MICAL2: variants seen among roughly 807,000 people sequenced by gnomAD.
MICAL2 encodes [F-actin]-monooxygenase MICAL2.
Under a neutral mutation model 127.3 loss-of-function variants are expected in MICAL2, and 77 were observed. That is an observed-to-expected ratio of 0.60 (90% CI 0.50 to 0.73). MICAL2 has a LOEUF of 0.73. MICAL2 is among the 30% of genes least tolerant of loss of function. The pLI, the probability that MICAL2 is intolerant of heterozygous loss-of-function variation, is 0.00. For missense variants in MICAL2, 1,351 were observed against 1,434.4 expected (o/e 0.94, Z 0.94); for synonymous variants, 570 against 551.1 (o/e 1.03, Z -0.48).
At chr11:12,196,445 A>G (rs551359343) in intron 3 of MICAL2, among the ~76,000 whole-genome samples, 1 of 152,276 alleles carries the variant, frequency 6.6e-6, no homozygotes, top group African/African-American at 2.4e-5. Context: ...GATGGTAATT[A>G]AAGTCATGGA....
At chr11:12,358,217 A>G in intron 34 of MICAL2, 1 of 1,400,734 alleles carries the variant, frequency 7.1e-7, no homozygotes. Context: ...AGTCCATAAC[A>G]ATCGAGAATG....
chr11:12,272,804 G>A (rs554477964), upstream of MICAL2, among the ~76,000 whole-genome samples: 32 of 152,022 alleles, frequency 2.1e-4, no homozygotes, highest in Middle Eastern at 6.8e-3. Context: ...TGACTGAAGG[G>A]GTAGTGGCCA....
chr11:12,314,782 G>A (rs1001232081), intron 29 of MICAL2, among the ~76,000 whole-genome samples: 9 of 151,740 alleles, frequency 5.9e-5, no homozygotes, highest in Admixed American at 3.9e-4. Flanking sequence ...CACCTTGCCC[G>A]GCCAGAAAAC....
chr11:12,305,460 G>A (rs1032744443), intron 29 of MICAL2, among the ~76,000 whole-genome samples: 1 of 151,960 alleles, frequency 6.6e-6, no homozygotes, highest in African/African-American at 2.4e-5. Flanking sequence ...AGATTTGGGT[G>A]GGAACACATA....
downstream of MICAL2, chr11:12,294,849 G>A (rs1173342079): frequency 6.1e-6 from 8 of 1,320,670 alleles, no homozygotes; most frequent in African/African-American, 2.3e-5. Context: ...CCTACAGCGG[G>A]AGGTGCAGGT....
intron 2 of MICAL2, among the ~76,000 whole-genome samples, chr11:12,157,317 T>TA (rs1854297829): frequency 6.6e-6 from 1 of 152,196 alleles, no homozygotes; most frequent in Non-Finnish European, 1.5e-5. Flanking sequence ...GGACTCTGCA[T>TA]AAACCTTGAG....
chr11:12,347,054 CACCCCTCCATGCCCCTCA>C (rs1023143411), intron 32 of MICAL2, among the ~76,000 whole-genome samples: 15 of 152,104 alleles, frequency 9.9e-5, no homozygotes, highest in African/African-American at 3.4e-4. Flanking sequence ...CCTCCTTGCC[CACCCCTCCATGCCCCTCA>C]GCCCCTCCCA....
At chr11:12,344,068 G>T (rs759150025) in intron 32 of MICAL2, among the ~76,000 whole-genome samples, 1 of 152,176 alleles carries the variant, frequency 6.6e-6, no homozygotes, top group Non-Finnish European at 1.5e-5. Context: ...GGCTGAGGCA[G>T]GTGGATCGCT....
chr11:12,202,817 C>T (rs775189284), intron 3 of MICAL2, among the ~76,000 whole-genome samples: 2 of 152,060 alleles, frequency 1.3e-5, no homozygotes, highest in Admixed American at 6.6e-5. Context: ...TCACATTTAC[C>T]CTCTTATAGT....
intron 29 of MICAL2, among the ~76,000 whole-genome samples, chr11:12,306,628 T>C (rs1864113183): frequency 6.6e-6 from 1 of 152,232 alleles, no homozygotes; most frequent in Admixed American, 6.5e-5. Context: ...CTTTTCCATA[T>C]TCCCAGTCCC....
intron 3 of MICAL2, among the ~76,000 whole-genome samples, chr11:12,165,177 TA>T (rs5789718): frequency 0.94 from 138,327 of 147,546 alleles, 65,341 homozygotes; most frequent in Non-Finnish European, 1. Context: ...AAGAAAGAAA[TA>T]AAAAAATCAC....
At chr11:12,348,250 A>ACG (rs1938988623) in intron 32 of MICAL2, among the ~76,000 whole-genome samples, 1 of 152,110 alleles carries the variant, frequency 6.6e-6, no homozygotes, top group Admixed American at 6.5e-5. Context: ...ACCATACCAA[A>ACG]CACAATGCCT....
intron 1 of MICAL2, among the ~76,000 whole-genome samples, chr11:12,118,361 C>G (rs1479386425): frequency 6.6e-6 from 1 of 152,188 alleles, no homozygotes; most frequent in African/African-American, 2.4e-5. Flanking sequence ...ACTTTTTTGG[C>G]AGCTGTTGTC....
intron 32 of MICAL2, among the ~76,000 whole-genome samples, chr11:12,348,572 A>G (rs1252749264): frequency 6.6e-6 from 1 of 152,164 alleles, no homozygotes; most frequent in Non-Finnish European, 1.5e-5. Flanking sequence ...GGAGACACAG[A>G]GAAAAGGGAA....
intron 8 of MICAL2, among the ~76,000 whole-genome samples, chr11:12,219,905 G>A (rs2134258756): frequency 6.6e-6 from 1 of 152,322 alleles, no homozygotes; most frequent in South Asian, 2.1e-4. Flanking sequence ...TGCCTCCCCT[G>A]AGGAATTTCT....
At chr11:12,358,188 TA>T in intron 34 of MICAL2, 1 of 1,124,580 alleles carries the variant, frequency 8.9e-7, no homozygotes. Flanking sequence ...TTTTCTCCAT[TA>T]AAATTAAAGG....
chr11:12,273,178 G>A (rs781231657), upstream of MICAL2, among the ~76,000 whole-genome samples: 12 of 152,204 alleles, frequency 7.9e-5, no homozygotes, highest in Admixed American at 3.9e-4. Flanking sequence ...CCTTGTGCTG[G>A]TGTCGTAACC....
Position 12,243,722 on chromosome 11 carries a change from G to A in MICAL2, c.2659-265G>A, listed in dbSNP as rs150977630. The stretch of plus-strand genomic sequence containing the variant: ...GGTAATTGGCATCGGTGTCTGAGGC[G>A]GATGTAGGCAGGAACAGATTGAATC... On this transcript the variant is annotated intron_variant, in intron 20 of 27. Coordinates refer to ENST00000683283, the MANE Select transcript of MICAL2 (RefSeq NM_001282663.2). 2.4e-3 allele frequency among the ~76,000 whole-genome samples: 369 copies of A among 152,340 alleles called. 1 individual carries two copies. Among genetic ancestry groups the A allele is most frequent in the Non-Finnish European group, 4.4e-3 (297 of 68,024 alleles).
Position 12,329,599 on chromosome 11 carries a change from T to G in MICAL2, c.5515+2333T>G, listed in dbSNP as rs187929191. Reference sequence around the variant, plus strand: ...CTTAACCTCTCTGGTCCTAGATTTTTTATCTGAAAAGTGAAGATAATAATC... The same window carrying G: ...CTTAACCTCTCTGGTCCTAGATTTTGTATCTGAAAAGTGAAGATAATAATC... On this transcript the variant is annotated intron_variant, in intron 32 of 34. Coordinates refer to the MICAL2 transcript ENST00000646065. Among the ~76,000 whole-genome samples the G allele has an allele frequency of 2.0e-5, 3 of 152,298 alleles. No homozygotes were observed. The East Asian group carries it at 5.8e-4, about 29-fold the overall frequency.
Sources: allele counts gnomAD v4.1 joint callset (sites outside exome capture counted in the v4.1 genomes callset), GRCh38; gene constraint gnomAD v4.1.1; transcripts MANE v1.5; gene names NCBI Gene and HGNC (gene_info 2026-07-23, HGNC 2026-07-21).